MEIG1: variants seen among roughly 807,000 people sequenced by gnomAD.
MEIG1 encodes the protein meiosis/spermiogenesis associated 1, also known as meiosis expressed gene 1 protein homolog.
MEIG1 carries 12 observed loss-of-function variants against 11.3 expected under a neutral mutation model. The ratio of observed to expected loss-of-function variants is 1.07; its 90% CI spans 0.68 to 1.73. The LOEUF (loss-of-function observed/expected upper bound fraction) is 1.73, where lower values mean the gene tolerates loss of function less well. Ranked by LOEUF, MEIG1 falls within the 40% of genes most tolerant of loss-of-function variation. The probability of loss-of-function intolerance (pLI) is 0.00; values close to 1 mark genes in which losing one functional copy is unlikely to be tolerated. For missense variants in MEIG1, 119 were observed against 104.9 expected, an observed-to-expected ratio of 1.13 and a Z score of -0.59; for synonymous variants, 41 against 33.2, an observed-to-expected ratio of 1.24 and a Z score of -0.81.
intron 2 of MEIG1, 103 bp from the exon 3 acceptor site, chr10:14,972,410 A>G (rs1239741594): frequency 5.5e-6 from 8 of 1,441,808 alleles, no homozygotes; most frequent in Non-Finnish European, 6.8e-6. Flanking sequence ...CTAATCTTAT[A>G]CTTTGTTTCT....
intron 1 of MEIG1, among the ~76,000 whole-genome samples, chr10:14,981,189 C>T (rs57885739): frequency 0.11 from 14,930 of 141,970 alleles, 1,487 homozygotes; most frequent in African/African-American, 0.26. Flanking sequence ...GGTTGTCTTC[C>T]GCCCGTACTC....
intron 2 of MEIG1, 99 bp from the exon 3 acceptor site, chr10:14,972,414 T>C (rs763662506): frequency 2.0e-6 from 3 of 1,472,652 alleles, no homozygotes; most frequent in Non-Finnish European, 2.8e-6. Flanking sequence ...TCTTATACTT[T>C]GTTTCTGTAA....
intron 1 of MEIG1, among the ~76,000 whole-genome samples, chr10:14,959,772 G>A (rs1457555012): frequency 7.2e-5 from 11 of 152,344 alleles, no homozygotes; most frequent in African/African-American, 1.9e-4. Context: ...CTCAGGGTCC[G>A]GTTCTCCCGG....
At chr10:14,967,297 A>T (rs1268342989) in intron 2 of MEIG1, among the ~76,000 whole-genome samples, 1 of 151,946 alleles carries the variant, frequency 6.6e-6, no homozygotes, top group Non-Finnish European at 1.5e-5. Context: ...AATTAGAAAG[A>T]GGTTAAAATC....
intron 1 of MEIG1, among the ~76,000 whole-genome samples, chr10:14,964,605 A>G (rs1363780257): frequency 1.0e-5 from 1 of 99,112 alleles, no homozygotes; most frequent in East Asian, 2.6e-4. Context: ...ATATATATAT[A>G]TATACACACA....
upstream of MEIG1, among the ~76,000 whole-genome samples, chr10:14,957,171 T>G (rs1326786544): frequency 6.6e-6 from 1 of 152,248 alleles, no homozygotes; most frequent in Non-Finnish European, 1.5e-5. Flanking sequence ...TGTTTTATAC[T>G]CATTATTTCA....
chr10:14,984,159 G>T lies in MEIG1; in HGVS notation n.67-2637G>T, dbSNP rs538991246. ...ACACGCTGTGTGACCACGGTGGATC[G>T]TCATATCCAGGCGGGGAGAGGGGGG... On this transcript the variant is annotated intron_variant and non_coding_transcript_variant, in intron 1 of 2. Transcript: ENST00000467536. Among the ~76,000 whole-genome samples the T allele has an allele frequency of 1.4e-3, 209 of 151,934 alleles. 2 individuals carry two copies. The highest frequency in any genetic ancestry group is 4.8e-3 in the African/African-American group (198 of 41,404).
chr10:14,972,420 T>A, intron 2 of MEIG1, 93 bp from the exon 3 acceptor site: 1 of 1,525,722 alleles, frequency 6.6e-7, no homozygotes, highest in Non-Finnish European at 9.0e-7. Context: ...ACTTTGTTTC[T>A]GTAAGTCATA....
chr10:14,977,687 T>C (rs545808238), downstream of MEIG1, among the ~76,000 whole-genome samples: 178 of 152,044 alleles, frequency 1.2e-3, no homozygotes, highest in Non-Finnish European at 2.2e-3. Context: ...CCTGTGATAT[T>C]ATTTGTAATA....
chr10:14,972,429 T>C, intron 2 of MEIG1, 84 bp from the exon 3 acceptor site: 3 of 1,565,866 alleles, frequency 1.9e-6, no homozygotes, highest in Admixed American at 1.7e-5. Context: ...CTGTAAGTCA[T>C]ACTTTTTAAC....
At chr10:14,987,239 T>C (rs961212445) in intron 2 of MEIG1, 7 of 939,610 alleles carry the variant, frequency 7.4e-6, no homozygotes, top group South Asian at 4.0e-5. Flanking sequence ...CCAGCACAGG[T>C]TGGAGAGGAA....
intron 1 of MEIG1, among the ~76,000 whole-genome samples, chr10:14,985,695 G>A (rs547255083): frequency 2.0e-5 from 3 of 151,866 alleles, no homozygotes; most frequent in Non-Finnish European, 4.4e-5. Flanking sequence ...GTCACAGAAG[G>A]TGTACACCTT....
chr10:14,961,899 G>A (rs551781042), intron 1 of MEIG1, among the ~76,000 whole-genome samples: 20 of 151,904 alleles, frequency 1.3e-4, no homozygotes, highest in South Asian at 4.2e-4. Context: ...CCTCAACCTT[G>A]GGGGATCAAA....
At chr10:14,979,211 C>T (rs971325974) in intron 1 of MEIG1, among the ~76,000 whole-genome samples, 2 of 151,884 alleles carry the variant, frequency 1.3e-5, no homozygotes, top group East Asian at 1.9e-4. Context: ...TGATATTACC[C>T]GTGATGTTCT....
At chr10:14,983,345 A>G (rs1456411996) in intron 1 of MEIG1, among the ~76,000 whole-genome samples, 3 of 152,026 alleles carry the variant, frequency 2.0e-5, no homozygotes, top group African/African-American at 4.8e-5. Context: ...CCTAATATCC[A>G]GAGGGGGAGA....
rs1843108193 is a variant in MEIG1, at chr10:14,968,090, AACTC to A, written c.138+1486_138+1489del. ...CAGTTGTTTATTTTTATTTTTTACT[AACTC>A]ATCATTTTTCAGATTCTAATGTGTA... is the stretch of plus-strand genomic sequence containing the variant. On this transcript the variant is annotated intron_variant, in intron 2 of 2. Transcript: ENST00000407572. Among the ~76,000 whole-genome samples the A allele has an allele frequency of 9.2e-5, 14 of 152,278 alleles. No homozygotes were observed. In the South Asian group the frequency reaches 2.9e-3, roughly 32 times the overall value.
At chr10:14,984,158 C>G (rs1391260003) in intron 1 of MEIG1, among the ~76,000 whole-genome samples, 3 of 151,620 alleles carry the variant, frequency 2.0e-5, no homozygotes, top group Non-Finnish European at 4.4e-5. Flanking sequence ...CACGGTGGAT[C>G]GTCATATCCA....
upstream of MEIG1, among the ~76,000 whole-genome samples, chr10:14,955,090 C>T (rs1425837741): frequency 6.6e-6 from 1 of 152,314 alleles, no homozygotes; most frequent in East Asian, 1.9e-4. Context: ...CGCCGCCACG[C>T]CTGGCTCATT....
upstream of MEIG1, among the ~76,000 whole-genome samples, chr10:14,955,083 C>T (rs1169912247): frequency 6.6e-6 from 1 of 152,204 alleles, no homozygotes; most frequent in African/African-American, 2.4e-5. Context: ...AGGCACGCGC[C>T]GCCACGCCTG....
Sources: gnomAD v4.1 joint callset for allele counts (sites outside exome capture counted in the v4.1 genomes callset) on GRCh38, gnomAD v4.1.1 for gene constraint, MANE v1.5 for transcripts, NCBI Gene and HGNC (gene_info 2026-07-23, HGNC 2026-07-21) for gene names.